TENM2: variants seen among roughly 807,000 people sequenced by gnomAD.
The protein encoded by TENM2 is teneurin transmembrane protein 2, also known as teneurin-2.
In TENM2, 52 loss-of-function variants were observed where a neutral mutation model predicts 245.2. That is an observed-to-expected ratio of 0.21 (90% CI 0.17 to 0.27). The LOEUF (loss-of-function observed/expected upper bound fraction) is 0.27, where lower values mean the gene tolerates loss of function less well. Ranked by LOEUF, TENM2 falls within the 10% of genes least tolerant of loss-of-function variation. The pLI is 1.00. For missense variants in TENM2, 3,046 were observed against 3,666.8 expected (o/e 0.83, Z 4.37); for synonymous variants, 1,363 against 1,438.9 (o/e 0.95, Z 1.19).
chr5:167,074,297 T>C, the TENM2 span, among the ~76,000 whole-genome samples: 1 of 152,224 alleles, frequency 6.6e-6, no homozygotes, highest in Non-Finnish European at 1.5e-5. Context: ...TTTTCTTCTT[T>C]TTTTTAATTC....
intron 2 of TENM2, among the ~76,000 whole-genome samples, chr5:167,702,043 C>A (rs968152225): frequency 6.6e-6 from 1 of 152,080 alleles, no homozygotes. Flanking sequence ...TTGAAGATTG[C>A]AAAAGCTATT....
At chr5:167,115,549 T>A in the TENM2 span, among the ~76,000 whole-genome samples, 1 of 152,188 alleles carries the variant, frequency 6.6e-6, no homozygotes, top group Non-Finnish European at 1.5e-5. Context: ...ACTAATTCAG[T>A]TAAAGAACTA....
At chr5:167,931,527 C>T (rs1778280774) in intron 3 of TENM2, among the ~76,000 whole-genome samples, 1 of 139,774 alleles carries the variant, frequency 7.2e-6, no homozygotes, top group Non-Finnish European at 1.5e-5. Context: ...GAAGGGAGAG[C>T]ACCCCAACCC....
chr5:168,209,485 C>A (rs1338349452), intron 19 of TENM2, among the ~76,000 whole-genome samples: 1 of 152,198 alleles, frequency 6.6e-6, no homozygotes, highest in Admixed American at 6.5e-5. Context: ...GGACTGCAAG[C>A]CACATGAGCT....
chr5:167,360,881 G>A (rs926594801), intron 1 of TENM2, among the ~76,000 whole-genome samples: 1 of 152,124 alleles, frequency 6.6e-6, no homozygotes, highest in Non-Finnish European at 1.5e-5. Context: ...CAAACTCTGG[G>A]CTACTCGCTT....
At chr5:167,375,335 G>A (rs1760683400) in exon 2 of TENM2, 1 of 1,551,582 alleles carries the variant, frequency 6.4e-7, no homozygotes, top group Admixed American at 2.0e-5. Context: ...CACCGAGGGA[G>A]GGATGTCTCC....
chr5:167,497,679 G>T (rs1562003533), intron 2 of TENM2, among the ~76,000 whole-genome samples: 1 of 152,050 alleles, frequency 6.6e-6, no homozygotes, highest in African/African-American at 2.4e-5. Context: ...AGCTATATAA[G>T]GGTAGGTATC....
chr5:167,099,694 T>TCAAAA, the TENM2 span, among the ~76,000 whole-genome samples: 160 of 152,170 alleles, frequency 1.1e-3, no homozygotes, highest in African/African-American at 3.6e-3. Flanking sequence ...AAACACCGTC[T>TCAAAA]CAAAACAAAA....
intron 12 of TENM2, among the ~76,000 whole-genome samples, chr5:168,143,287 C>T (rs1755721343): frequency 6.7e-6 from 1 of 149,766 alleles, no homozygotes; most frequent in Admixed American, 6.6e-5. Context: ...TCAGAAACCA[C>T]ATTTATTTTG....
intron 1 of TENM2, among the ~76,000 whole-genome samples, chr5:167,361,376 A>G (rs1759706743): frequency 6.6e-6 from 1 of 152,136 alleles, no homozygotes; most frequent in African/African-American, 2.4e-5. Flanking sequence ...TTTGATTTAT[A>G]TTTTTCTAGT....
At chr5:167,640,972 A>T (rs745514828) in intron 2 of TENM2, among the ~76,000 whole-genome samples, 31 of 143,200 alleles carry the variant, frequency 2.2e-4, no homozygotes, top group Non-Finnish European at 4.0e-4. Context: ...ACCACCTGAA[A>T]ACTTGTCAAA....
At chr5:168,038,592 C>T (rs191936188) in intron 5 of TENM2, among the ~76,000 whole-genome samples, 8 of 152,250 alleles carry the variant, frequency 5.3e-5, no homozygotes, top group African/African-American at 1.7e-4. Context: ...TGAGTCAGTA[C>T]GTTACAAAAA....
intron 12 of TENM2, among the ~76,000 whole-genome samples, chr5:168,158,398 C>T (rs556186168): frequency 2.7e-4 from 41 of 151,988 alleles, no homozygotes; most frequent in Non-Finnish European, 5.0e-4. Context: ...TAGTACGCCC[C>T]GATTGTTTTT....
chr5:167,788,766 C>A (rs566375199), intron 2 of TENM2, among the ~76,000 whole-genome samples: 1 of 152,194 alleles, frequency 6.6e-6, no homozygotes, highest in Non-Finnish European at 1.5e-5. Flanking sequence ...ATTTAGGGCT[C>A]TTCCTTAGAT....
intron 24 of TENM2, 21 bp from the exon 27 acceptor site, chr5:168,227,874 C>T (rs1304280769): frequency 6.7e-7 from 1 of 1,502,334 alleles, no homozygotes; most frequent in Non-Finnish European, 9.2e-7. Context: ...CCTATCCCCA[C>T]CCCCACTTAC....
At chr5:168,145,057 T>C (rs1168093326) in intron 12 of TENM2, among the ~76,000 whole-genome samples, 1 of 151,928 alleles carries the variant, frequency 6.6e-6, no homozygotes, top group East Asian at 1.9e-4. Flanking sequence ...TTTGTTTGAG[T>C]TCACTGTAGA....
chr5:168,231,394 AAGGCCAAG>A (rs919382233), intron 25 of TENM2, among the ~76,000 whole-genome samples: 1 of 152,238 alleles, frequency 6.6e-6, no homozygotes, highest in East Asian at 1.9e-4. Flanking sequence ...CGCCAGTGGA[AAGGCCAAG>A]AGGCCAAAAA....
chr5:167,041,109 G>A, the TENM2 span, among the ~76,000 whole-genome samples: 7 of 152,170 alleles, frequency 4.6e-5, no homozygotes, highest in African/African-American at 7.2e-5. Flanking sequence ...GATAAATCAC[G>A]TAAACCTTAG....
intron 1 of TENM2, among the ~76,000 whole-genome samples, chr5:167,352,754 G>A (rs934711539): frequency 8.5e-5 from 13 of 152,190 alleles, no homozygotes; most frequent in African/African-American, 2.4e-4. Flanking sequence ...TCTTTGTGAG[G>A]TTGTGTAGTG....
Sources: allele counts gnomAD v4.1 joint callset (sites outside exome capture counted in the v4.1 genomes callset), GRCh38; gene constraint gnomAD v4.1.1; transcripts MANE v1.5; gene names NCBI Gene and HGNC (gene_info 2026-07-23, HGNC 2026-07-21).